The following HM13 variants were observed in gnomAD, a reference collection of about 807,000 sequenced individuals.
HM13 encodes histocompatibility minor 13, also known as signal peptide peptidase.
HM13 carries 18 observed loss-of-function variants against 50.0 expected under a neutral mutation model. The observed-to-expected ratio is 0.36, with a 90% CI of 0.25 to 0.53. The LOEUF is 0.53. HM13 is among the 20% of genes least tolerant of loss of function. The pLI is 0.90. For synonymous variants in HM13, 197 were observed against 232.6 expected, an observed-to-expected ratio of 0.85 and a Z score of 1.39; for missense variants, 393 against 552.4, an observed-to-expected ratio of 0.71 and a Z score of 2.89.
chr20:31,558,824 A>G (rs1984455553), intron 8 of HM13, among the ~76,000 whole-genome samples: 2 of 151,950 alleles, frequency 1.3e-5, no homozygotes, highest in Admixed American at 6.6e-5. Flanking sequence ...CCTGGGTTCA[A>G]GCGATTCTCC....
intron 7 of HM13, 154 bp downstream of exon 7, chr20:31,550,275 T>C: frequency 1.5e-6 from 1 of 656,686 alleles, no homozygotes; most frequent in Non-Finnish European, 2.8e-6. Flanking sequence ...CTCAATTGAT[T>C]CATCTGGCTG....
chr20:31,523,035 G>T (rs1219526300), intron 1 of HM13, among the ~76,000 whole-genome samples: 2 of 120,468 alleles, frequency 1.7e-5, no homozygotes, highest in African/African-American at 4.8e-5. Context: ...CCTGTTTGGG[G>T]TTTTTTTTGG....
chr20:31,558,943 A>G (rs1600665531), intron 8 of HM13, among the ~76,000 whole-genome samples: 1 of 150,974 alleles, frequency 6.6e-6, no homozygotes, highest in East Asian at 1.9e-4. Flanking sequence ...TTTTTGAGAC[A>G]GAGTCTCGCT....
At chr20:31,563,194 G>C (rs190481110) in intron 10 of HM13, 1 of 152,560 alleles carries the variant, frequency 6.6e-6, no homozygotes, top group East Asian at 1.9e-4. Flanking sequence ...CCCAAGGCCT[G>C]TGTTACTCCC....
rs1010557380 is a variant in HM13, at chr20:31,538,098, C to G, written c.283-81C>G. 5.1e-6 allele frequency: 8 copies of G among 1,559,650 alleles called. No homozygotes were observed. The African/African-American group carries it at 1.1e-4, about 21-fold the overall frequency. ...ACTCAAGAAGGGTGAGACCAACCTC[C>G]AGAAGAGACGCAGGGACTCTGGTTT... is the stretch of plus-strand genomic sequence containing the variant. On this transcript the variant is annotated intron_variant, in intron 2 of 12. Coordinates refer to ENST00000398174, the MANE Select transcript of HM13 (RefSeq NM_178581.3).
rs770526645 is a variant in HM13, at chr20:31,569,112, T to C, written c.1182-8T>C. 1.3e-6 allele frequency: 2 copies of C among 1,518,618 alleles called. No homozygotes were observed. The highest frequency in any genetic ancestry group is 1.2e-5 in the South Asian group (1 of 80,274). The allele number at this position is 1,518,618 out of a possible 1,614,324, so 94.1% of individuals were successfully genotyped here. ...AATTTTTATTGTTGTTTTTTTTTTT[T>C]TGGTCAGTTATGAGGAGTCAAATCC... On this transcript the variant is annotated splice_polypyrimidine_tract_variant and splice_region_variant and intron_variant, in intron 12 of 12. Transcript: ENST00000398174.
chr20:31,536,888 C>A (rs140996323), intron 2 of HM13, among the ~76,000 whole-genome samples: 67 of 152,368 alleles, frequency 4.4e-4, no homozygotes, highest in African/African-American at 1.3e-3. Flanking sequence ...TACCACCTAA[C>A]AATACATGTA....
intron 1 of HM13, among the ~76,000 whole-genome samples, chr20:31,521,584 C>G (rs1982159094): frequency 6.6e-6 from 1 of 152,054 alleles, no homozygotes; most frequent in African/African-American, 2.4e-5. Context: ...AAAAAATTAG[C>G]TGGGCGTGGT....
chr20:31,558,401 G>A (rs182779566), intron 8 of HM13, among the ~76,000 whole-genome samples: 11 of 152,194 alleles, frequency 7.2e-5, no homozygotes, highest in African/African-American at 2.6e-4. Flanking sequence ...TCAGGATAAA[G>A]ACCCAACTCC....
chr20:31,521,761 G>C (rs1982176381), intron 1 of HM13, among the ~76,000 whole-genome samples: 1 of 150,616 alleles, frequency 6.6e-6, no homozygotes, highest in Non-Finnish European at 1.5e-5. Context: ...TGCTTTGTGG[G>C]GTTTTTGTGA....
At chr20:31,527,310 C>G (rs567604765) in intron 1 of HM13, among the ~76,000 whole-genome samples, 174 bp from the exon 2 acceptor site, 1 of 151,108 alleles carries the variant, frequency 6.6e-6, no homozygotes, top group Admixed American at 6.6e-5. Context: ...TTCATTCCAG[C>G]CTGGGTGATA....
intron 10 of HM13, chr20:31,563,975 C>CT (rs1284132703): frequency 6.6e-6 from 1 of 151,800 alleles, no homozygotes; most frequent in Non-Finnish European, 1.5e-5. Context: ...ACTTGGGAGG[C>CT]TGAGGCAGGA....
intron 3 of HM13, chr20:31,538,625 C>A: frequency 8.3e-7 from 1 of 1,204,128 alleles, no homozygotes; most frequent in Admixed American, 4.2e-5. Flanking sequence ...TTGGGCTCCT[C>A]ACACATGATC....
At chr20:31,531,550 T>A (rs893610133) in intron 2 of HM13, among the ~76,000 whole-genome samples, 2 of 152,094 alleles carry the variant, frequency 1.3e-5, no homozygotes, top group African/African-American at 4.8e-5. Context: ...ACGTATGTCA[T>A]TACATCCAGC....
At chr20:31,525,759 C>CAA (rs111873600) in intron 1 of HM13, among the ~76,000 whole-genome samples, 2 of 137,090 alleles carry the variant, frequency 1.5e-5, no homozygotes, top group African/African-American at 5.4e-5. Context: ...AAATTTATAC[C>CAA]AAAAAAAAAA....
intron 1 of HM13, among the ~76,000 whole-genome samples, chr20:31,523,050 G>GGA (rs1555838866): frequency 6.7e-6 from 1 of 149,032 alleles, no homozygotes; most frequent in African/African-American, 2.5e-5. Context: ...TTTTGGGAGG[G>GGA]GGGCTTTTTT....
At chr20:31,533,223 C>T (rs1600632339) in intron 2 of HM13, among the ~76,000 whole-genome samples, 1 of 152,212 alleles carries the variant, frequency 6.6e-6, no homozygotes, top group East Asian at 1.9e-4. Flanking sequence ...AACTTCAGGG[C>T]TGAGTGTAGT....
rs774104253 is a variant in HM13 at position 31,568,196 on chromosome 20, C to T, written c.1153C>T (p.Arg385Cys). Reference sequence around the variant, plus strand: ...GCAGCAGAAGCTAGCTGGCCCTCGCCGCCGGCGCCCGCAGAATCCCAGCGC... The same window carrying T: ...GCAGCAGAAGCTAGCTGGCCCTCGCTGCCGGCGCCCGCAGAATCCCAGCGC... The part of the protein sequence containing the change: ...SMQQKLAGPR[R>C]RRPQNPSAIY... The change falls in exon 12 of 13, where the codon CGC (arginine) becomes TGC (cysteine). Residue 385 changes from arginine to cysteine, a missense_variant. Around this residue, in one of 3 missense-constraint regions of HM13, gnomAD observed 105 missense variants for 115.9 expected, o/e 0.91. Coordinates refer to ENST00000398174, the MANE Select transcript of HM13 (RefSeq NM_178581.3). 11 of 1,612,788 alleles carry T rather than the reference C, an allele frequency of 6.8e-6. No individual in the cohort carries two copies. Among genetic ancestry groups the T allele is most frequent in the African/African-American group, 4.0e-5 (3 of 74,934 alleles).
chr20:31,549,246 C>G lies in HM13; in HGVS notation c.580C>G (p.Leu194Val). The change falls in exon 6 of 13, where the codon CTT (leucine) becomes GTT (valine). Residue 194 changes from leucine to valine, a missense_variant. Physicochemically the swap from Leu to Val is conservative, Grantham distance 32 (BLOSUM62 1). This residue lies in a region of HM13 where 214 missense variants were observed against 276.1 expected (regional missense o/e 0.77). Coordinates refer to ENST00000398174, the MANE Select transcript of HM13 (RefSeq NM_178581.3). ...ANNLFGLAFSLNGVELLHLNN... is the reference protein window; with the variant it reads ...ANNLFGLAFSVNGVELLHLNN... ...CAACCTTTTTGGCCTGGCCTTCTCCCTTAATGGAGTAGAGCTCCTGCACCT... is the reference window on the plus strand; with the variant it reads ...CAACCTTTTTGGCCTGGCCTTCTCCGTTAATGGAGTAGAGCTCCTGCACCT... The G allele has an allele frequency of 6.2e-7, 1 of 1,614,220 alleles. No homozygotes were observed.
Sources: gnomAD v4.1 joint callset for allele counts (sites outside exome capture counted in the v4.1 genomes callset) on GRCh38, gnomAD v4.1.1 for gene constraint, gnomAD v4.1.1 regional missense constraint, MANE v1.5 for transcripts, NCBI Gene and HGNC (gene_info 2026-07-23, HGNC 2026-07-21) for gene names.